Variants in SLC17A5 observed in about 807,000 individuals in gnomAD.
SLC17A5 encodes solute carrier family 17 member 5.
Under a neutral mutation model 59.4 loss-of-function variants are expected in SLC17A5, and 47 were observed. The observed-to-expected ratio is 0.79, with a 90% CI of 0.63 to 1.01. SLC17A5 has a LOEUF of 1.01. Among genes scored for constraint, SLC17A5 ranks in the 50% least tolerant of loss-of-function variants. The probability of loss-of-function intolerance (pLI) is 0.00; values close to 1 mark genes in which losing one functional copy is unlikely to be tolerated. For synonymous variants in SLC17A5, 202 were observed against 210.7 expected, an observed-to-expected ratio of 0.96 and a Z score of 0.36; for missense variants, 522 against 595.5, an observed-to-expected ratio of 0.88 and a Z score of 1.28.
chr6:73,651,483 A>AAAAAAAAAAC (rs1368983159), intron 1 of SLC17A5, among the ~76,000 whole-genome samples: 3 of 133,840 alleles, frequency 2.2e-5, no homozygotes, highest in Non-Finnish European at 5.0e-5. Flanking sequence ...AAAAAAAAAA[A>AAAAAAAAAAC]ATCAGGACAT....
intron 10 of SLC17A5, among the ~76,000 whole-genome samples, chr6:73,596,040 A>G (rs1468352933): frequency 6.6e-6 from 1 of 151,790 alleles, no homozygotes; most frequent in Non-Finnish European, 1.5e-5. Context: ...TCCTGGGCTC[A>G]AGTGATCCAC....
At chr6:73,614,418 T>C (rs1006692825) in intron 8 of SLC17A5, among the ~76,000 whole-genome samples, 1 of 152,186 alleles carries the variant, frequency 6.6e-6, no homozygotes, top group Non-Finnish European at 1.5e-5. Context: ...ATTAAAAAAT[T>C]GTTTTAAAAA....
intron 6 of SLC17A5, among the ~76,000 whole-genome samples, chr6:73,633,687 T>C (rs1768870092): frequency 6.6e-6 from 1 of 151,904 alleles, no homozygotes; most frequent in Non-Finnish European, 1.5e-5. Context: ...GAGACCAGCC[T>C]GGCCAATAAG....
intron 6 of SLC17A5, among the ~76,000 whole-genome samples, chr6:73,629,946 T>C (rs1768616484): frequency 6.6e-6 from 1 of 152,008 alleles, no homozygotes; most frequent in African/African-American, 2.4e-5. Flanking sequence ...AGTCATGAGA[T>C]GGTCCTTCTG....
intron 7 of SLC17A5, among the ~76,000 whole-genome samples, chr6:73,617,158 A>T (rs1561990777): frequency 6.6e-6 from 1 of 151,916 alleles, no homozygotes; most frequent in African/African-American, 2.4e-5. Flanking sequence ...GGGCATCATG[A>T]TACATGACTG....
chr6:73,637,712 C>T (rs1258023544), intron 4 of SLC17A5, among the ~76,000 whole-genome samples: 1 of 152,064 alleles, frequency 6.6e-6, no homozygotes, highest in East Asian at 1.9e-4. Context: ...ATGCTCTTCT[C>T]CCTGCATGAA....
intron 6 of SLC17A5, among the ~76,000 whole-genome samples, chr6:73,623,717 A>G (rs1768270532): frequency 7.1e-6 from 1 of 141,036 alleles, no homozygotes; most frequent in Admixed American, 7.2e-5. Flanking sequence ...TTTATTTTTG[A>G]GATGGAGTCT....
intron 8 of SLC17A5, among the ~76,000 whole-genome samples, chr6:73,611,724 T>C (rs1767647481): frequency 1.3e-5 from 2 of 152,238 alleles, no homozygotes; most frequent in Non-Finnish European, 2.9e-5. Flanking sequence ...TTTTTCTGTG[T>C]CTACAGCAGT....
intron 6 of SLC17A5, among the ~76,000 whole-genome samples, chr6:73,633,148 G>C (rs1038256497): frequency 1.3e-5 from 2 of 150,474 alleles, no homozygotes; most frequent in Non-Finnish European, 2.9e-5. Context: ...ACCATACCCA[G>C]CTAAAACTTT....
At chr6:73,621,398 C>A (rs370059597) in intron 7 of SLC17A5, among the ~76,000 whole-genome samples, 12 of 152,330 alleles carry the variant, frequency 7.9e-5, no homozygotes, top group South Asian at 2.1e-4. Context: ...CTCGACCTCC[C>A]AAAGTGGTAG....
chr6:73,653,935 C>T lies in SLC17A5; in HGVS notation c.-49G>A, dbSNP rs1001639733. ...TCGCCACCTGGCAGAGAAGGGAGCG[C>T]CGGCCCGACAGCCCGAAGCCCCCGG... On this transcript the variant is annotated 5_prime_UTR_variant, in exon 1 of 11. Coordinates refer to ENST00000355773, the MANE Select transcript of SLC17A5 (RefSeq NM_012434.5). 2.0e-6 allele frequency: 3 copies of T among 1,506,068 alleles called. No individual in the cohort carries two copies. Among genetic ancestry groups the T allele is most frequent in the Non-Finnish European group, 2.7e-6 (3 of 1,105,870 alleles). The allele number at this position is 1,506,068 out of a possible 1,614,324, so 93.3% of individuals were successfully genotyped here.
At chr6:73,629,748 C>T (rs1008681432) in intron 6 of SLC17A5, among the ~76,000 whole-genome samples, 1 of 151,944 alleles carries the variant, frequency 6.6e-6, no homozygotes, top group African/African-American at 2.4e-5. Context: ...GCACTCCAGC[C>T]TGGGCAACAA....
chr6:73,643,514 T>C (rs1769394102), intron 2 of SLC17A5, among the ~76,000 whole-genome samples: 1 of 152,066 alleles, frequency 6.6e-6, no homozygotes, highest in African/African-American at 2.4e-5. Context: ...CTTGCTCTTG[T>C]TGCCCAGGCT....
chr6:73,617,247 C>T lies in SLC17A5; in HGVS notation c.979-1800G>A, dbSNP rs75960610. ...TGGAGGTTGCAGTGAACCAAGATTG[C>T]TCTGGTGCAGTCAGTCCAGCATGGG... On this transcript the variant is annotated intron_variant, in intron 7 of 10. Coordinates refer to ENST00000355773, the MANE Select transcript of SLC17A5 (RefSeq NM_012434.5). Among the ~76,000 whole-genome samples, 334 of 151,474 alleles carry T rather than the reference C, an allele frequency of 2.2e-3. 5 individuals are homozygous for T. Among genetic ancestry groups the T allele is most frequent in the Non-Finnish European group, 7.4e-4 (50 of 67,878 alleles).
chr6:73,608,891 A>C (rs653781), intron 9 of SLC17A5, among the ~76,000 whole-genome samples: 1 of 152,100 alleles, frequency 6.6e-6, no homozygotes, highest in African/African-American at 2.4e-5. Context: ...ATGGTGATGT[A>C]TGCCTGCAGT....
At chr6:73,640,100 G>C (rs1324464918) in intron 3 of SLC17A5, among the ~76,000 whole-genome samples, 1 of 152,186 alleles carries the variant, frequency 6.6e-6, no homozygotes, top group South Asian at 2.1e-4. Context: ...TGAGATAACA[G>C]TGGTAATATG....
intron 9 of SLC17A5, 115 bp downstream of exon 9, chr6:73,610,285 T>C (rs1018314587): frequency 1.5e-5 from 19 of 1,226,256 alleles, no homozygotes; most frequent in Middle Eastern, 2.5e-4. Context: ...CTGCCTGCCT[T>C]GGCCTCCCAA....
At chr6:73,636,565 C>T (rs1769010909) in intron 5 of SLC17A5, 56 bp downstream of exon 5, 1 of 975,256 alleles carries the variant, frequency 1.0e-6, no homozygotes, top group Non-Finnish European at 1.7e-6. Flanking sequence ...TATTAGGCTA[C>T]TATTATTACA....
intron 6 of SLC17A5, among the ~76,000 whole-genome samples, chr6:73,631,328 T>C (rs1436513462): frequency 6.6e-6 from 1 of 151,570 alleles, no homozygotes; most frequent in African/African-American, 2.4e-5. Flanking sequence ...AAAACACAAA[T>C]GCCATAAACT....
Sources: gnomAD v4.1 joint callset for allele counts (sites outside exome capture counted in the v4.1 genomes callset) on GRCh38, gnomAD v4.1.1 for gene constraint, MANE v1.5 for transcripts, NCBI Gene and HGNC (gene_info 2026-07-23, HGNC 2026-07-21) for gene names.